The following KCNH8 variants were observed in gnomAD, a reference collection of about 807,000 sequenced individuals.
KCNH8 encodes the protein voltage-gated delayed rectifier potassium channel KCNH8.
KCNH8 carries 70 observed loss-of-function variants against 103.6 expected under a neutral mutation model. That is an observed-to-expected ratio of 0.68 (90% CI 0.56 to 0.82). The LOEUF is 0.82. Ranked by LOEUF, KCNH8 falls within the 40% of genes least tolerant of loss-of-function variation. The pLI is 0.00. For synonymous variants in KCNH8, 498 were observed against 489.4 expected, an observed-to-expected ratio of 1.02 and a Z score of -0.23; for missense variants, 1,217 against 1,329.9, an observed-to-expected ratio of 0.92 and a Z score of 1.32.
chr3:19,487,639 G>A (rs184655508), intron 11 of KCNH8, among the ~76,000 whole-genome samples: 217 of 152,202 alleles, frequency 1.4e-3, no homozygotes, highest in South Asian at 3.3e-3. Flanking sequence ...TGGGGCCATC[G>A]CTTAGCTAGA....
chr3:19,469,149 T>G (rs2067803426), intron 11 of KCNH8, among the ~76,000 whole-genome samples: 1 of 152,206 alleles, frequency 6.6e-6, no homozygotes, highest in African/African-American at 2.4e-5. Context: ...TAATTAATTC[T>G]TCACTTTTCT....
rs569117213 is a variant in KCNH8, at chr3:19,370,620, T to A, written c.812-19861T>A. Among the ~76,000 whole-genome samples the A allele has an allele frequency of 3.5e-4, 54 of 152,292 alleles. No homozygotes were observed. The South Asian group carries it at 5.0e-3, about 14-fold the overall frequency. On this transcript the variant is annotated intron_variant, in intron 5 of 15. Transcript: ENST00000328405. ...CTGTATACATATTTTATTTTATTTT[T>A]AATTATACTTTAAGTTTTAGGGTAC...
chr3:19,261,235 T>A (rs868815809), intron 2 of KCNH8, among the ~76,000 whole-genome samples: 3 of 151,668 alleles, frequency 2.0e-5, no homozygotes, highest in African/African-American at 7.2e-5. Context: ...AAGGGTTCCC[T>A]TTTCTCTGCA....
chr3:19,381,706 A>C (rs1478746041), intron 5 of KCNH8, among the ~76,000 whole-genome samples: 1 of 152,178 alleles, frequency 6.6e-6, no homozygotes, highest in Non-Finnish European at 1.5e-5. Context: ...GAAAAAAAAG[A>C]GAAAAAAATC....
At chr3:19,204,242 G>T (rs187842791) in intron 1 of KCNH8, among the ~76,000 whole-genome samples, 196 of 152,136 alleles carry the variant, frequency 1.3e-3, no homozygotes, top group African/African-American at 4.5e-3. Flanking sequence ...TCATAAGCAT[G>T]TGTGATCTTG....
chr3:19,314,094 G>A (rs1312213341), intron 3 of KCNH8, among the ~76,000 whole-genome samples: 1 of 151,616 alleles, frequency 6.6e-6, no homozygotes, highest in Admixed American at 6.6e-5. Flanking sequence ...AATAAAGCTG[G>A]GTCATCATAC....
At chr3:19,301,189 C>T (rs553785433) in intron 3 of KCNH8, among the ~76,000 whole-genome samples, 1 of 151,842 alleles carries the variant, frequency 6.6e-6, no homozygotes, top group African/African-American at 2.4e-5. Context: ...CCTACAACCT[C>T]TACCCTATAA....
In KCNH8 at chr3:19,309,567, A is replaced by G. The variant is rs531508674; in HGVS notation, c.442+28238A>G. On this transcript the variant is annotated intron_variant, in intron 3 of 15. Coordinates refer to ENST00000328405, the MANE Select transcript of KCNH8 (RefSeq NM_144633.3). ...AAACCACTGTCAATTGGAGAGTGAT[A>G]GTGTCTGATAACTAACATATATTAT... 7.4e-4 allele frequency among the ~76,000 whole-genome samples: 113 copies of G among 152,096 alleles called. 1 individual carries two copies. Among genetic ancestry groups the G allele is most frequent in the African/African-American group, 2.5e-3 (104 of 41,550 alleles).
chr3:19,530,195 C>A (rs949517596), intron 15 of KCNH8, among the ~76,000 whole-genome samples: 6 of 152,074 alleles, frequency 3.9e-5, no homozygotes, highest in Non-Finnish European at 8.8e-5. Context: ...TTAATGGGCA[C>A]AGAAGTACAG....
chr3:19,433,627 T>C (rs1472545381), intron 7 of KCNH8, among the ~76,000 whole-genome samples: 1 of 152,224 alleles, frequency 6.6e-6, no homozygotes, highest in Non-Finnish European at 1.5e-5. Context: ...GTCCAGTCTT[T>C]ACTATTTTAT....
chr3:19,261,758 T>TA (rs1169083926), intron 2 of KCNH8, among the ~76,000 whole-genome samples: 1 of 151,830 alleles, frequency 6.6e-6, no homozygotes, highest in African/African-American at 2.4e-5. Flanking sequence ...AGGTTTTTTT[T>TA]ATTGATTTTC....
intron 3 of KCNH8, among the ~76,000 whole-genome samples, chr3:19,315,729 A>C (rs1270633184): frequency 1.3e-5 from 2 of 152,024 alleles, no homozygotes; most frequent in Non-Finnish European, 2.9e-5. Context: ...GAACTATCAA[A>C]GTTAGTTCAA....
chr3:19,510,799 T>A (rs2068770755), intron 12 of KCNH8, among the ~76,000 whole-genome samples: 1 of 152,196 alleles, frequency 6.6e-6, no homozygotes, highest in Non-Finnish European at 1.5e-5. Flanking sequence ...TAAAACAGTT[T>A]CAACTTTTAA....
intron 1 of KCNH8, among the ~76,000 whole-genome samples, chr3:19,216,813 G>C (rs1360919903): frequency 2.6e-5 from 4 of 152,174 alleles, no homozygotes. Context: ...CAACAGGATT[G>C]GTTTTTCCAT....
intron 8 of KCNH8, among the ~76,000 whole-genome samples, chr3:19,448,159 T>TA (rs1382875235): frequency 6.6e-6 from 1 of 151,944 alleles, no homozygotes; most frequent in Admixed American, 6.6e-5. Flanking sequence ...AGGCACTTTT[T>TA]AAAAAATACA....
At position 19,515,386 on chromosome 3, in the gene KCNH8, G is replaced by A. The variant is rs199796239; in HGVS notation, c.2500G>A (p.Glu834Lys). 6.3e-7 allele frequency: 1 copy of A among 1,583,624 alleles called. No individual in the cohort carries two copies. The highest frequency in any genetic ancestry group is 1.2e-5 in the South Asian group (1 of 85,586). ...EESQTFDFGS[E>K]RIRSEPRISP... ...AAGTCAGACTTTTGATTTTGGCTCT[G>A]AACGAATCAGATCAGAGCCCAGAAT... Residue 834 changes from glutamate to lysine, a missense_variant, in exon 14 of 16, where the codon GAA becomes AAA. Glu to Lys is a moderately conservative substitution (Grantham distance 56, BLOSUM62 1). This residue lies in a region of KCNH8 where 558 missense variants were observed against 495.8 expected (regional missense o/e 1.13). Coordinates refer to ENST00000328405, the MANE Select transcript of KCNH8 (RefSeq NM_144633.3).
At chr3:19,169,955 G>A (rs1419367947) in intron 1 of KCNH8, among the ~76,000 whole-genome samples, 1 of 152,074 alleles carries the variant, frequency 6.6e-6, no homozygotes, top group African/African-American at 2.4e-5. Context: ...AAGAAACCAC[G>A]TATTATCTCA....
intron 11 of KCNH8, among the ~76,000 whole-genome samples, chr3:19,504,995 ATCTC>A (rs959617891): frequency 4.0e-5 from 6 of 151,202 alleles, no homozygotes; most frequent in South Asian, 4.2e-4. Flanking sequence ...ACATATATAT[ATCTC>A]TCTCACATTC....
At chr3:19,440,279 T>C (rs776066823) in intron 8 of KCNH8, among the ~76,000 whole-genome samples, 1 of 152,048 alleles carries the variant, frequency 6.6e-6, no homozygotes, top group Non-Finnish European at 1.5e-5. Flanking sequence ...AGAGGCACAA[T>C]AGAAAGGAAG....
Sources: gnomAD v4.1 joint callset for allele counts (sites outside exome capture counted in the v4.1 genomes callset) on GRCh38, gnomAD v4.1.1 for gene constraint, gnomAD v4.1.1 regional missense constraint, MANE v1.5 for transcripts, NCBI Gene and HGNC (gene_info 2026-07-23, HGNC 2026-07-21) for gene names.